INO80: variants seen among roughly 807,000 people sequenced by gnomAD.
The protein encoded by INO80 is chromatin-remodeling ATPase INO80.
In INO80, 20 loss-of-function variants were observed where a neutral mutation model predicts 203.4. The ratio of observed to expected loss-of-function variants is 0.10; its 90% confidence interval spans 0.07 to 0.14. The LOEUF (loss-of-function observed/expected upper bound fraction) is 0.14, where lower values mean the gene tolerates loss of function less well. Among genes scored for constraint, INO80 ranks in the 10% least tolerant of loss-of-function variants. INO80 has a pLI of 1.00. For missense variants in INO80, 1,419 were observed against 1,914.4 expected (o/e 0.74, Z 4.83); for synonymous variants, 726 against 685.2 (o/e 1.06, Z -0.93).
At chr15:41,109,672 C>T (rs980867041) in intron 1 of INO80, among the ~76,000 whole-genome samples, 3 of 151,800 alleles carry the variant, frequency 2.0e-5, no homozygotes, top group African/African-American at 7.3e-5. Context: ...TGGCTCACAC[C>T]TGTAATCCCA....
In INO80 at chr15:40,979,942, G is replaced by A. The variant is rs1893754147; in HGVS notation, c.*281C>T. ...TCTAAAGGGGGTCTGTGTCAGGCTT[G>A]CCCCGTGAGAGGTTTAAGACTTGGC... On this transcript the variant is annotated 3_prime_UTR_variant, in exon 36 of 36. Transcript: ENST00000648947. 2 of 464,468 alleles carry A rather than the reference G, an allele frequency of 4.3e-6. No homozygotes were observed. Among genetic ancestry groups the A allele is most frequent in the Non-Finnish European group, 7.9e-6 (2 of 253,062 alleles). 28.8% of individuals were successfully genotyped at this position (464,468 alleles called of 1,614,324 possible).
intron 13 of INO80, among the ~76,000 whole-genome samples, chr15:41,070,092 G>A (rs965646462): frequency 2.0e-5 from 3 of 152,190 alleles, no homozygotes; most frequent in Non-Finnish European, 4.4e-5. Context: ...GGAAGAGGAA[G>A]AGGAAACTAA....
intron 7 of INO80, among the ~76,000 whole-genome samples, chr15:41,084,684 T>A (rs1327925319): frequency 2.0e-5 from 3 of 152,216 alleles, no homozygotes; most frequent in Admixed American, 6.5e-5. Context: ...CATTCAAACA[T>A]TTGTAAATTC....
At chr15:41,015,774 T>TAA (rs999539137) in intron 27 of INO80, among the ~76,000 whole-genome samples, 22 of 93,058 alleles carry the variant, frequency 2.4e-4, no homozygotes, top group South Asian at 7.1e-4. Flanking sequence ...CATCTCTACT[T>TAA]AAAAAAAAAA....
At chr15:40,986,095 T>A (rs1173357202) in intron 31 of INO80, among the ~76,000 whole-genome samples, 1 of 152,122 alleles carries the variant, frequency 6.6e-6, no homozygotes, top group African/African-American at 2.4e-5. Context: ...ACAGGATGAA[T>A]CTGAAACCCA....
At chr15:41,033,166 G>C (rs2044517085) in intron 24 of INO80, among the ~76,000 whole-genome samples, 2 of 152,146 alleles carry the variant, frequency 1.3e-5, no homozygotes, top group African/African-American at 4.8e-5. Context: ...CTCTGTGTCT[G>C]CCAACCATCA....
intron 5 of INO80, 103 bp from the exon 6 acceptor site, chr15:41,087,785 A>G (rs562106536): frequency 8.7e-7 from 1 of 1,151,496 alleles, no homozygotes. Context: ...GCTCCTAAAT[A>G]CAGTATTCTT....
intron 24 of INO80, among the ~76,000 whole-genome samples, chr15:41,030,214 C>T (rs1056226182): frequency 3.3e-5 from 5 of 152,170 alleles, no homozygotes; most frequent in African/African-American, 9.7e-5. Context: ...ATCTTCTCTT[C>T]AGCACTGTAG....
chr15:40,997,751 CATTA>C (rs1357678701), intron 28 of INO80, 150 bp from the exon 29 acceptor site: 1 of 575,250 alleles, frequency 1.7e-6, no homozygotes, highest in African/African-American at 1.9e-5. Flanking sequence ...TTCTGTAAAG[CATTA>C]TACAATGTTG....
Position 41,076,429 on chromosome 15 carries a change from C to A in INO80, c.1132-1864G>T, listed in dbSNP as rs76234426. 5.6e-3 allele frequency among the ~76,000 whole-genome samples: 845 copies of A among 150,874 alleles called. 8 individuals are homozygous for A. Among genetic ancestry groups the A allele is most frequent in the African/African-American group, 0.02 (817 of 40,996 alleles). On this transcript the variant is annotated intron_variant, in intron 9 of 35. Transcript: ENST00000648947. ...CTGTGATAATAATAGCTACAAAAAA[C>A]GAATATAGACTGAATACACATACAT...
chr15:41,052,706 G>C (rs2044899386), intron 19 of INO80, among the ~76,000 whole-genome samples: 2 of 150,462 alleles, frequency 1.3e-5, no homozygotes, highest in South Asian at 2.1e-4. Flanking sequence ...AAAATACAAG[G>C]GGAAAAAACG....
intron 5 of INO80, 150 bp from the exon 6 acceptor site, chr15:41,087,832 G>A: frequency 1.5e-6 from 1 of 665,302 alleles, no homozygotes. Context: ...TATATCTAAG[G>A]GAATCACTTA....
rs28590628 is a variant in INO80, at chr15:40,983,396, T to A, written c.4238-319A>T. Reference sequence around the variant, plus strand: ...TGCTACCTGGGACTCATCTGCACACTCTAATGTGCTCTTGCCTTGGAGAGT... The same window carrying A: ...TGCTACCTGGGACTCATCTGCACACACTAATGTGCTCTTGCCTTGGAGAGT... On this transcript the variant is annotated intron_variant, in intron 34 of 35. Coordinates refer to ENST00000648947, the MANE Select transcript of INO80 (RefSeq NM_017553.3). Among the ~76,000 whole-genome samples, 959 of 152,264 alleles carry A rather than the reference T, an allele frequency of 6.3e-3. 12 individuals carry two copies. The highest frequency in any genetic ancestry group is 0.022 in the African/African-American group (911 of 41,542).
intron 1 of INO80, among the ~76,000 whole-genome samples, chr15:41,106,400 A>G (rs994158552): frequency 1.3e-5 from 2 of 149,210 alleles, no homozygotes; most frequent in Admixed American, 6.7e-5. Flanking sequence ...AAAAAAAAAA[A>G]AGAGAAAGAA....
intron 17 of INO80, 76 bp from the exon 18 acceptor site, chr15:41,055,440 A>G: frequency 1.1e-6 from 1 of 915,890 alleles, no homozygotes; most frequent in Non-Finnish European, 1.7e-6. Context: ...AGATAGAGAA[A>G]ATTGCAGGTG....
At chr15:41,044,852 G>A in intron 24 of INO80, 52 bp downstream of exon 24, 1 of 1,499,052 alleles carries the variant, frequency 6.7e-7, no homozygotes, top group South Asian at 1.3e-5. Flanking sequence ...CTTATTCAAG[G>A]AAAAGGAAAG....
rs552101713 is a variant in INO80 at position 41,029,473 on chromosome 15, C to T, written c.2908-1737G>A. Among the ~76,000 whole-genome samples the T allele has an allele frequency of 3.3e-5, 5 of 152,322 alleles. No homozygotes were observed. The South Asian group carries it at 1.0e-3, about 32-fold the overall frequency. On this transcript the variant is annotated intron_variant, in intron 24 of 35. Coordinates refer to ENST00000648947, the MANE Select transcript of INO80 (RefSeq NM_017553.3). Reference sequence around the variant, plus strand: ...CTATTTTCCAGGATAGCTGGGCTGTCTTTAGGTGGTTTCTGACTACAGACT... The same window carrying T: ...CTATTTTCCAGGATAGCTGGGCTGTTTTTAGGTGGTTTCTGACTACAGACT...
intron 29 of INO80, among the ~76,000 whole-genome samples, chr15:40,989,611 T>C (rs1403804652): frequency 1.3e-5 from 2 of 152,046 alleles, no homozygotes; most frequent in Non-Finnish European, 2.9e-5. Context: ...GCAGGACTCT[T>C]AGATCTCGGT....
intron 18 of INO80, among the ~76,000 whole-genome samples, chr15:41,054,501 C>T (rs957943445): frequency 6.6e-6 from 1 of 152,046 alleles, no homozygotes; most frequent in African/African-American, 2.4e-5. Flanking sequence ...GTTAAAAATG[C>T]TCACAATGAA....
Sources: gnomAD v4.1 joint callset for allele counts (sites outside exome capture counted in the v4.1 genomes callset) on GRCh38, gnomAD v4.1.1 for gene constraint, MANE v1.5 for transcripts, NCBI Gene and HGNC (gene_info 2026-07-23, HGNC 2026-07-21) for gene names.